DOK6: variants seen among roughly 807,000 people sequenced by gnomAD.
DOK6 encodes downstream of tyrosine kinase 6.
A neutral mutation model predicts 44.0 loss-of-function variants in DOK6; 22 were observed. The ratio of observed to expected loss-of-function variants is 0.50; its 90% CI spans 0.36 to 0.71. The LOEUF (loss-of-function observed/expected upper bound fraction) is 0.71, where lower values mean the gene tolerates loss of function less well. Ranked by LOEUF, DOK6 falls within the 30% of genes least tolerant of loss-of-function variation. The pLI is 0.00. For synonymous variants in DOK6, 166 were observed against 145.5 expected (o/e 1.14, Z -1.01); for missense variants, 340 against 416.4 (o/e 0.82, Z 1.60).
At chr18:69,580,821 C>T (rs757071159) in intron 2 of DOK6, among the ~76,000 whole-genome samples, 1 of 152,176 alleles carries the variant, frequency 6.6e-6, no homozygotes, top group African/African-American at 2.4e-5. Flanking sequence ...AACAACTTCT[C>T]AATATTCCCC....
intron 2 of DOK6, among the ~76,000 whole-genome samples, chr18:69,582,616 C>T (rs1022227921): frequency 1.3e-5 from 2 of 152,106 alleles, no homozygotes; most frequent in African/African-American, 4.8e-5. Context: ...TAGCTATCAT[C>T]AGTGGTTTCT....
At chr18:69,409,503 A>C (rs1978297740) in intron 1 of DOK6, among the ~76,000 whole-genome samples, 1 of 152,232 alleles carries the variant, frequency 6.6e-6, no homozygotes, top group Non-Finnish European at 1.5e-5. Context: ...CAAATGGCAC[A>C]TTACTACCCA....
chr18:69,670,598 C>T (rs981830918), intron 3 of DOK6, among the ~76,000 whole-genome samples: 3 of 151,534 alleles, frequency 2.0e-5, no homozygotes, highest in Non-Finnish European at 4.4e-5. Context: ...CAACCTCTGC[C>T]TCCCAGGTTC....
chr18:69,588,446 C>T (rs1442889717), intron 2 of DOK6, among the ~76,000 whole-genome samples: 3 of 152,130 alleles, frequency 2.0e-5, no homozygotes, highest in Non-Finnish European at 4.4e-5. Flanking sequence ...GCAGCTGTAG[C>T]ATTTCTTAGT....
At chr18:69,741,931 T>G (rs951529528) in intron 6 of DOK6, among the ~76,000 whole-genome samples, 2 of 152,176 alleles carry the variant, frequency 1.3e-5, no homozygotes, top group African/African-American at 4.8e-5. Flanking sequence ...AGAAATAATG[T>G]CTCAACAACC....
At chr18:69,512,239 C>T (rs1428096968) in intron 1 of DOK6, among the ~76,000 whole-genome samples, 1 of 151,234 alleles carries the variant, frequency 6.6e-6, no homozygotes, top group African/African-American at 2.4e-5. Flanking sequence ...CAAGCCTTGT[C>T]AATCAATGCA....
intron 3 of DOK6, among the ~76,000 whole-genome samples, chr18:69,600,951 C>T (rs1023481306): frequency 7.2e-5 from 11 of 152,242 alleles, no homozygotes; most frequent in African/African-American, 2.2e-4. Flanking sequence ...TCCGATATTA[C>T]AGTAGAAAGT....
intron 1 of DOK6, among the ~76,000 whole-genome samples, chr18:69,472,153 C>T (rs563498738): frequency 9.9e-5 from 15 of 152,166 alleles, no homozygotes; most frequent in Non-Finnish European, 1.6e-4. Context: ...ATAGTTCCTC[C>T]GATTCTTATT....
At chr18:69,652,258 A>G (rs965895428) in intron 3 of DOK6, among the ~76,000 whole-genome samples, 1 of 152,250 alleles carries the variant, frequency 6.6e-6, no homozygotes, top group African/African-American at 2.4e-5. Flanking sequence ...CACTAAAAAT[A>G]ATATAAAAAG....
intron 1 of DOK6, among the ~76,000 whole-genome samples, chr18:69,550,591 G>T (rs1011580872): frequency 2.0e-5 from 3 of 152,026 alleles, no homozygotes; most frequent in African/African-American, 7.2e-5. Context: ...AGTATCGGAT[G>T]GTGTTAAGCA....
At chr18:69,773,403 C>T (rs1056422975) in intron 7 of DOK6, among the ~76,000 whole-genome samples, 10 of 151,806 alleles carry the variant, frequency 6.6e-5, no homozygotes, top group Non-Finnish European at 1.5e-4. Flanking sequence ...ATGTTCATTG[C>T]AGTAGTATTC....
At chr18:69,491,837 A>G (rs1446921929) in intron 1 of DOK6, among the ~76,000 whole-genome samples, 2 of 152,226 alleles carry the variant, frequency 1.3e-5, no homozygotes, top group African/African-American at 4.8e-5. Context: ...ATAAATATAT[A>G]AATCATCTTT....
At chr18:69,458,801 T>C (rs1599141037) in intron 1 of DOK6, among the ~76,000 whole-genome samples, 1 of 152,044 alleles carries the variant, frequency 6.6e-6, no homozygotes, top group African/African-American at 2.4e-5. Flanking sequence ...AAAAAGAAAG[T>C]GAAATACCGG....
intron 3 of DOK6, among the ~76,000 whole-genome samples, chr18:69,631,919 C>T (rs1324695484): frequency 6.6e-6 from 1 of 152,158 alleles, no homozygotes; most frequent in Non-Finnish European, 1.5e-5. Context: ...GTCACATTGA[C>T]TCTATCTGAA....
At chr18:69,641,416 C>T (rs1322772362) in intron 3 of DOK6, among the ~76,000 whole-genome samples, 6 of 152,068 alleles carry the variant, frequency 3.9e-5, no homozygotes, top group African/African-American at 7.2e-5. Context: ...AAAACCTTAG[C>T]TAATTAATGT....
chr18:69,428,192 TTATA>T (rs1978697980), intron 1 of DOK6, among the ~76,000 whole-genome samples: 1 of 152,068 alleles, frequency 6.6e-6, no homozygotes, highest in African/African-American at 2.4e-5. Context: ...AATATGGTTT[TTATA>T]TATAGAGAAA....
intron 4 of DOK6, among the ~76,000 whole-genome samples, chr18:69,687,235 A>G (rs1986172390): frequency 6.6e-6 from 1 of 152,248 alleles, no homozygotes; most frequent in South Asian, 2.1e-4. Context: ...ATGTTGGCGT[A>G]GCCCAATAAT....
At chr18:69,796,142 T>C (rs1366796064) in intron 7 of DOK6, among the ~76,000 whole-genome samples, 2 of 152,190 alleles carry the variant, frequency 1.3e-5, no homozygotes, top group South Asian at 2.1e-4. Context: ...GCAACTCCTG[T>C]TGCTTCAAGG....
At chr18:69,618,454 G>A (rs1022425854) in intron 3 of DOK6, 2 of 158,178 alleles carry the variant, frequency 1.3e-5, no homozygotes, top group African/African-American at 4.8e-5. Context: ...AAGGGTTTAA[G>A]AGTTTTGTAT....
Sources: allele counts gnomAD v4.1 joint callset (sites outside exome capture counted in the v4.1 genomes callset), GRCh38; gene constraint gnomAD v4.1.1; transcripts MANE v1.5; gene names NCBI Gene and HGNC (gene_info 2026-07-23, HGNC 2026-07-21).